CBLB: variants seen among roughly 807,000 people sequenced by gnomAD.
The protein encoded by CBLB is Cbl proto-oncogene B.
CBLB carries 31 observed loss-of-function variants against 104.9 expected under a neutral mutation model. The observed-to-expected ratio is 0.30, with a 90% CI of 0.22 to 0.40. The LOEUF (loss-of-function observed/expected upper bound fraction) is 0.40, where lower values mean the gene tolerates loss of function less well. CBLB is among the 10% of genes least tolerant of loss of function. The pLI is 1.00. For missense variants in CBLB, 1,062 were observed against 1,214.6 expected (o/e 0.87, Z 1.87); for synonymous variants, 440 against 422.6 (o/e 1.04, Z -0.51).
At chr3:105,662,555 A>G (rs937792476) in intron 18 of CBLB, among the ~76,000 whole-genome samples, 2 of 152,220 alleles carry the variant, frequency 1.3e-5, no homozygotes, top group South Asian at 2.1e-4. Context: ...CACAGAATAT[A>G]AATAGTACAT....
rs540988046 is a variant in CBLB at position 105,669,208 on chromosome 3, A to G, written c.2689+1025T>C. ...TCTGTCCCCTTTTCCCTGCAAATCC[A>G]TATGTTAAAACCTAATCCCTTTTGT... On this transcript the variant is annotated intron_variant, in intron 18 of 18. Transcript: ENST00000394030. Among the ~76,000 whole-genome samples the G allele has an allele frequency of 7.2e-5, 11 of 152,262 alleles. No homozygotes were observed. The South Asian group carries it at 1.7e-3, about 23-fold the overall frequency.
rs1366386428 is a variant in CBLB, at chr3:105,658,939, C to T, written c.*31G>A. On this transcript the variant is annotated 3_prime_UTR_variant, in exon 19 of 19. Coordinates refer to ENST00000394030, the MANE Select transcript of CBLB (RefSeq NM_170662.5). ...CCACACTCTTGGAATACATCGATTG[C>T]TTTCCATTTTGGTGTCTACAGTTCT... 1 of 1,608,588 alleles carries T rather than the reference C, an allele frequency of 6.2e-7. No individual in the cohort carries two copies. Among genetic ancestry groups the T allele is most frequent in the East Asian group, 2.2e-5 (1 of 44,828 alleles).
chr3:105,698,715 AAAGT>A (rs939497275), intron 12 of CBLB, among the ~76,000 whole-genome samples: 14 of 152,088 alleles, frequency 9.2e-5, no homozygotes, highest in Admixed American at 5.2e-4. Flanking sequence ...ATCCAATGAT[AAAGT>A]AAGACAAAAC....
chr3:105,839,993 G>A (rs2028597), intron 3 of CBLB, among the ~76,000 whole-genome samples: 11,349 of 152,172 alleles, frequency 0.075, 584 homozygotes, highest in East Asian at 0.29. Flanking sequence ...AGACCCAGCT[G>A]ACCAGGATGG....
At chr3:105,838,735 C>T (rs547131155) in intron 3 of CBLB, among the ~76,000 whole-genome samples, 1 of 151,192 alleles carries the variant, frequency 6.6e-6, no homozygotes, top group Admixed American at 6.6e-5. Context: ...CTGCAATCTC[C>T]ACCTACCAGG....
chr3:105,765,518 T>C (rs949698696), intron 4 of CBLB, among the ~76,000 whole-genome samples: 2 of 152,230 alleles, frequency 1.3e-5, no homozygotes, highest in South Asian at 4.1e-4. Flanking sequence ...TGTTCTTTAT[T>C]TAAAAAAACA....
At chr3:105,799,174 G>GAAT (rs1471114207) in intron 3 of CBLB, among the ~76,000 whole-genome samples, 3 of 35,142 alleles carry the variant, frequency 8.5e-5, no homozygotes, top group East Asian at 6.8e-4. Context: ...TAATGACAAA[G>GAAT]AACAAAAAAA....
At chr3:105,676,813 G>GT (rs2065701767) in intron 17 of CBLB, among the ~76,000 whole-genome samples, 2 of 152,116 alleles carry the variant, frequency 1.3e-5, no homozygotes, top group South Asian at 4.1e-4. Context: ...CATGGGGGTG[G>GT]TTCCCCCATG....
chr3:105,764,679 A>AT (rs2078025340), intron 4 of CBLB, among the ~76,000 whole-genome samples: 1 of 152,324 alleles, frequency 6.6e-6, no homozygotes, highest in Non-Finnish European at 1.5e-5. Context: ...TATGGACATG[A>AT]TTAAGTTTAG....
rs1193833988 is a variant in CBLB, at chr3:105,855,318, A to G, written c.169-1654T>C. 3.3e-5 allele frequency among the ~76,000 whole-genome samples: 5 copies of G among 152,310 alleles called. No homozygotes were observed. In the East Asian group the frequency reaches 9.6e-4, roughly 29 times the overall value. On this transcript the variant is annotated intron_variant, in intron 2 of 18. Coordinates refer to ENST00000394030, the MANE Select transcript of CBLB (RefSeq NM_170662.5). ...GTACAAATTTGAAGTTATGTAGGAT[A>G]ATTAATACTGGAGATCTAATGTACA...
At chr3:105,834,513 G>A (rs1423233648) in intron 3 of CBLB, among the ~76,000 whole-genome samples, 7 of 152,016 alleles carry the variant, frequency 4.6e-5, no homozygotes, top group African/African-American at 7.2e-5. Flanking sequence ...AAAATTAGCC[G>A]GGCGTGGTGG....
At chr3:105,741,034 T>C (rs1296546170) in intron 6 of CBLB, among the ~76,000 whole-genome samples, 1 of 150,934 alleles carries the variant, frequency 6.6e-6, no homozygotes, top group African/African-American at 2.4e-5. Flanking sequence ...AGACAAAAAC[T>C]GAGCCAGTTT....
At chr3:105,805,847 C>A (rs2083431066) in intron 3 of CBLB, among the ~76,000 whole-genome samples, 1 of 151,474 alleles carries the variant, frequency 6.6e-6, no homozygotes, top group Non-Finnish European at 1.5e-5. Context: ...TCTTTTATTA[C>A]CTTGAATTAT....
At chr3:105,740,663 C>T (rs1269228208) in intron 6 of CBLB, 32 bp from the exon 7 acceptor site, 8 of 1,578,340 alleles carry the variant, frequency 5.1e-6, no homozygotes, top group South Asian at 1.1e-5. Flanking sequence ...CATCTAATTA[C>T]ATTCAGAATA....
chr3:105,705,617 G>A (rs2069973943), intron 10 of CBLB, among the ~76,000 whole-genome samples: 2 of 152,184 alleles, frequency 1.3e-5, no homozygotes, highest in Non-Finnish European at 2.9e-5. Flanking sequence ...CGGAAGTAAA[G>A]TGTCATTTTG....
intron 3 of CBLB, among the ~76,000 whole-genome samples, chr3:105,842,213 C>G (rs2089649239): frequency 1.3e-5 from 2 of 152,184 alleles, no homozygotes; most frequent in Admixed American, 1.3e-4. Context: ...GGTTGGTGAC[C>G]TGGCACAAGT....
At chr3:105,729,292 G>T (rs1447817822) in intron 9 of CBLB, among the ~76,000 whole-genome samples, 1 of 152,034 alleles carries the variant, frequency 6.6e-6, no homozygotes, top group African/African-American at 2.4e-5. Context: ...TTGGAGCTAA[G>T]GATTGTGTCT....
chr3:105,681,528 A>C lies in CBLB; in HGVS notation c.2379T>G (p.Ser793=). Residue 793 remains serine (S), a synonymous_variant, in exon 16 of 19, where the codon TCT becomes TCG. Coordinates refer to ENST00000394030, the MANE Select transcript of CBLB (RefSeq NM_170662.5). ...AATCAGAGGGCGTCCTGTTGAGTGA[A>C]GAACCATGCTTTGGATTGTCCCGAG... ...PPTRDNPKHG[S]SLNRTPSDYD... The C allele has an allele frequency of 6.2e-7, 1 of 1,614,140 alleles. No individual in the cohort carries two copies. Among genetic ancestry groups the C allele is most frequent in the East Asian group, 2.2e-5 (1 of 44,880 alleles).
At chr3:105,663,970 G>A (rs973798407) in intron 18 of CBLB, among the ~76,000 whole-genome samples, 16 of 149,268 alleles carry the variant, frequency 1.1e-4, no homozygotes, top group Admixed American at 2.7e-4. Context: ...TAAGTGAGAC[G>A]CACTGCTGTA....
Sources: gnomAD v4.1 joint callset for allele counts (sites outside exome capture counted in the v4.1 genomes callset) on GRCh38, gnomAD v4.1.1 for gene constraint, MANE v1.5 for transcripts, NCBI Gene and HGNC (gene_info 2026-07-23, HGNC 2026-07-21) for gene names.